Variants in PTPRM observed in about 807,000 individuals in gnomAD.
PTPRM encodes the protein protein tyrosine phosphatase receptor type M, also known as receptor-type tyrosine-protein phosphatase mu.
In PTPRM, 47 loss-of-function variants were observed where a neutral mutation model predicts 186.7. The ratio of observed to expected loss-of-function variants is 0.25; its 90% CI spans 0.20 to 0.32. The LOEUF is 0.32. Among genes scored for constraint, PTPRM ranks in the 10% least tolerant of loss-of-function variants. The pLI is 1.00. For synonymous variants in PTPRM, 668 were observed against 674.9 expected, an observed-to-expected ratio of 0.99 and a Z score of 0.16; for missense variants, 1,494 against 1,865.0, an observed-to-expected ratio of 0.80 and a Z score of 3.66.
intron 23 of PTPRM, among the ~76,000 whole-genome samples, chr18:8,353,264 T>TAGGA (rs2095545639): frequency 6.6e-6 from 1 of 152,166 alleles, no homozygotes; most frequent in Admixed American, 6.5e-5. Context: ...AATGTGTTTC[T>TAGGA]AGGAAGGAAG....
intron 14 of PTPRM, among the ~76,000 whole-genome samples, chr18:8,162,436 G>A (rs1448791745): frequency 6.6e-6 from 1 of 152,192 alleles, no homozygotes; most frequent in South Asian, 2.1e-4. Context: ...TACATGAATG[G>A]TCTTTCTGGA....
At chr18:7,937,640 C>A (rs2051906344) in intron 5 of PTPRM, among the ~76,000 whole-genome samples, 1 of 152,246 alleles carries the variant, frequency 6.6e-6, no homozygotes, top group African/African-American at 2.4e-5. Flanking sequence ...CGAAGCAACA[C>A]CCCAAGGATC....
intron 14 of PTPRM, among the ~76,000 whole-genome samples, chr18:8,211,169 T>C (rs1476651075): frequency 6.6e-6 from 1 of 151,936 alleles, no homozygotes; most frequent in Non-Finnish European, 1.5e-5. Flanking sequence ...ATCAGAGCAA[T>C]GGGATACCAA....
intron 1 of PTPRM, among the ~76,000 whole-genome samples, chr18:7,676,545 T>A (rs2039340570): frequency 6.6e-6 from 1 of 152,174 alleles, no homozygotes; most frequent in African/African-American, 2.4e-5. Flanking sequence ...ACCAAAATTT[T>A]ATGTCTCAGA....
At chr18:7,697,036 C>A (rs942809252) in intron 1 of PTPRM, among the ~76,000 whole-genome samples, 1 of 152,172 alleles carries the variant, frequency 6.6e-6, no homozygotes, top group Non-Finnish European at 1.5e-5. Flanking sequence ...ATTACTGAAA[C>A]TAACATCTGG....
At chr18:8,054,879 AATGATAGTTTTG>A (rs1382591392) in intron 7 of PTPRM, among the ~76,000 whole-genome samples, 1 of 152,076 alleles carries the variant, frequency 6.6e-6, no homozygotes, top group Non-Finnish European at 1.5e-5. Flanking sequence ...TTGATCCTTG[AATGATAGTTTTG>A]CTACGTATAT....
intron 7 of PTPRM, among the ~76,000 whole-genome samples, chr18:7,987,904 C>A (rs1051287604): frequency 4.0e-5 from 6 of 151,180 alleles, no homozygotes; most frequent in African/African-American, 1.5e-4. Flanking sequence ...TGATAGCAGG[C>A]ACAGTGGCTC....
intron 14 of PTPRM, among the ~76,000 whole-genome samples, chr18:8,171,233 A>AT (rs1951921854): frequency 6.6e-6 from 1 of 152,216 alleles, no homozygotes; most frequent in Non-Finnish European, 1.5e-5. Context: ...AGGAAGGCTT[A>AT]TAAAGGTTAT....
intron 1 of PTPRM, among the ~76,000 whole-genome samples, chr18:7,645,762 GAC>G (rs1427289836): frequency 6.6e-6 from 1 of 152,160 alleles, no homozygotes. Context: ...TCCAGGGAGT[GAC>G]ACTGTAGAAG....
At chr18:7,801,621 T>C (rs2043973835) in intron 2 of PTPRM, among the ~76,000 whole-genome samples, 1 of 152,248 alleles carries the variant, frequency 6.6e-6, no homozygotes, top group African/African-American at 2.4e-5. Context: ...TTATTACCTT[T>C]ATCAAGTATT....
intron 11 of PTPRM, among the ~76,000 whole-genome samples, chr18:8,096,460 G>A (rs1600540148): frequency 1.3e-5 from 2 of 152,210 alleles, no homozygotes; most frequent in East Asian, 3.9e-4. Context: ...CCATTCGGCA[G>A]GAAGGAGGGA....
intron 31 of PTPRM, 29 bp downstream of exon 31, chr18:8,387,264 A>C (rs1231866144): frequency 1.3e-6 from 2 of 1,599,276 alleles, no homozygotes; most frequent in Non-Finnish European, 1.7e-6. Context: ...TCTTCATTTC[A>C]GAACAGCGAG....
chr18:7,636,526 A>T (rs563232267), intron 1 of PTPRM, among the ~76,000 whole-genome samples: 1 of 152,272 alleles, frequency 6.6e-6, no homozygotes, highest in East Asian at 1.9e-4. Context: ...TCAGAATTGC[A>T]TGGCCCTCCA....
At chr18:7,909,667 A>G (rs1239794849) in intron 4 of PTPRM, among the ~76,000 whole-genome samples, 1 of 137,292 alleles carries the variant, frequency 7.3e-6, no homozygotes, top group Non-Finnish European at 1.6e-5. Context: ...ATCTAAAACT[A>G]TGCTTTCCAA....
intron 1 of PTPRM, among the ~76,000 whole-genome samples, chr18:7,754,210 G>A (rs1233773932): frequency 6.6e-6 from 1 of 152,106 alleles, no homozygotes; most frequent in Non-Finnish European, 1.5e-5. Flanking sequence ...CATATACCTT[G>A]TAGTTTTTGT....
At chr18:8,336,417 G>T (rs939745852) in intron 22 of PTPRM, among the ~76,000 whole-genome samples, 3 of 151,982 alleles carry the variant, frequency 2.0e-5, no homozygotes, top group Non-Finnish European at 4.4e-5. Flanking sequence ...AAATTAGCTG[G>T]GCATAGTGCC....
chr18:7,800,482 G>T (rs385769), intron 2 of PTPRM, among the ~76,000 whole-genome samples: 98,967 of 152,062 alleles, frequency 0.65, 33,658 homozygotes, highest in East Asian at 0.98. Flanking sequence ...GTTTCAAAGT[G>T]TATTTGTAGC....
intron 1 of PTPRM, among the ~76,000 whole-genome samples, chr18:7,765,359 C>T (rs1431677578): frequency 2.0e-5 from 3 of 152,146 alleles, no homozygotes; most frequent in Non-Finnish European, 2.9e-5. Flanking sequence ...TGTGTAAAAA[C>T]TGCTTGCTAA....
At chr18:8,107,209 A>T (rs1217782385) in intron 11 of PTPRM, among the ~76,000 whole-genome samples, 1 of 152,190 alleles carries the variant, frequency 6.6e-6, no homozygotes, top group Non-Finnish European at 1.5e-5. Flanking sequence ...AATGCAAAGG[A>T]AATTGTCTTC....
Sources: allele counts gnomAD v4.1 joint callset (sites outside exome capture counted in the v4.1 genomes callset), GRCh38; gene constraint gnomAD v4.1.1; transcripts MANE v1.5; gene names NCBI Gene and HGNC (gene_info 2026-07-23, HGNC 2026-07-21).